PLSCR2: variants seen among roughly 807,000 people sequenced by gnomAD.
The protein encoded by PLSCR2 is phospholipid scramblase 2, also known as PL scramblase 2.
Under a neutral mutation model 25.3 loss-of-function variants are expected in PLSCR2, and 18 were observed. The ratio of observed to expected loss-of-function variants is 0.71; its 90% confidence interval spans 0.49 to 1.06. PLSCR2 has a LOEUF of 1.06. Among genes scored for constraint, PLSCR2 ranks in the 50% least tolerant of loss-of-function variants. The pLI is 0.00. For missense variants in PLSCR2, 243 were observed against 269.5 expected, an observed-to-expected ratio of 0.90 and a Z score of 0.69; for synonymous variants, 88 against 87.3, an observed-to-expected ratio of 1.01 and a Z score of -0.04.
intron 2 of PLSCR2, among the ~76,000 whole-genome samples, chr3:146,411,437 G>A (rs545714471): frequency 6.7e-4 from 102 of 152,316 alleles, no homozygotes; most frequent in African/African-American, 2.4e-3. Flanking sequence ...TTGAATTTTA[G>A]GGCACCCACA....
intron 2 of PLSCR2, among the ~76,000 whole-genome samples, chr3:146,406,539 G>A (rs1277145713): frequency 6.6e-6 from 1 of 152,120 alleles, no homozygotes; most frequent in African/African-American, 2.4e-5. Context: ...GGTGAGGAGA[G>A]GAGTAGGAAG....
intron 2 of PLSCR2, among the ~76,000 whole-genome samples, chr3:146,419,671 T>G (rs1037060720): frequency 1.3e-5 from 2 of 152,080 alleles, no homozygotes; most frequent in African/African-American, 4.8e-5. Context: ...AGGTTTTGTT[T>G]TGTTTTGTTT....
intron 2 of PLSCR2, among the ~76,000 whole-genome samples, chr3:146,417,579 G>T (rs2039035338): frequency 6.6e-6 from 1 of 151,972 alleles, no homozygotes; most frequent in South Asian, 2.1e-4. Flanking sequence ...ATTTTAGATG[G>T]GTCAGTTAAC....
At chr3:146,495,446 A>C (rs1430239530) in intron 1 of PLSCR2, among the ~76,000 whole-genome samples, 3 of 152,322 alleles carry the variant, frequency 2.0e-5, no homozygotes, top group South Asian at 4.1e-4. Context: ...TCTGAAATTA[A>C]TATGTTAAAG....
At chr3:146,462,590 C>A (rs368388011), upstream of PLSCR2, among the ~76,000 whole-genome samples, 1 of 151,434 alleles carries the variant, frequency 6.6e-6, no homozygotes, top group Admixed American at 6.6e-5. Flanking sequence ...CTCAGCCTCC[C>A]GAGTAGCTGG....
chr3:146,479,451 G>A (rs1273401129), intron 1 of PLSCR2, among the ~76,000 whole-genome samples: 1 of 152,068 alleles, frequency 6.6e-6, no homozygotes, highest in Non-Finnish European at 1.5e-5. Flanking sequence ...CCTACTCTCT[G>A]GTAAAACAGA....
At position 146,454,094 on chromosome 3, in the gene PLSCR2, T is replaced by TTGTTAGAC; in HGVS notation, c.383_390dup (p.Lys131ValfsTer2). The TTGTTAGAC allele has an allele frequency of 6.2e-7, 1 of 1,610,816 alleles. No homozygotes were observed. Among genetic ancestry groups the TTGTTAGAC allele is most frequent in the South Asian group, 1.1e-5 (1 of 90,246 alleles). The stretch of plus-strand genomic sequence containing the variant: ...CTTTTCTGATTTTTAATTGTAAACT[T>TTGTTAGAC]TGTTAGACATGGGTGCCAGGTCTGA... On this transcript the variant is annotated stop_gained and frameshift_variant, in exon 5 of 7. Coordinates refer to ENST00000610787, the Ensembl canonical transcript of PLSCR2. LOFTEE classifies it high-confidence loss of function.
intron 2 of PLSCR2, chr3:146,415,210 ATTAAAT>A (rs2038970936): frequency 6.6e-6 from 1 of 152,598 alleles, no homozygotes; most frequent in African/African-American, 2.4e-5. Context: ...AAGTACTCAA[ATTAAAT>A]TTAAAGAACA....
intron 2 of PLSCR2, among the ~76,000 whole-genome samples, chr3:146,412,562 G>A (rs141846331): frequency 1.3e-5 from 2 of 152,292 alleles, no homozygotes; most frequent in East Asian, 3.9e-4. Flanking sequence ...ATGGGGACTA[G>A]AGAATTGTTA....
At chr3:146,435,971 A>T (rs944769779) in intron 8 of PLSCR2, among the ~76,000 whole-genome samples, 1 of 152,220 alleles carries the variant, frequency 6.6e-6, no homozygotes, top group Non-Finnish European at 1.5e-5. Context: ...GAAGGGATGC[A>T]GTTTCAGCTT....
At chr3:146,421,527 T>C (rs1292955053) in intron 2 of PLSCR2, among the ~76,000 whole-genome samples, 1 of 151,990 alleles carries the variant, frequency 6.6e-6, no homozygotes, top group African/African-American at 2.4e-5. Context: ...AACAGAATAG[T>C]TTCTGGAAAC....
intron 1 of PLSCR2, among the ~76,000 whole-genome samples, chr3:146,467,781 A>C (rs2041935899): frequency 6.6e-6 from 1 of 152,176 alleles, no homozygotes; most frequent in African/African-American, 2.4e-5. Context: ...AGTTGAAAAA[A>C]GTCTAGAATC....
downstream of PLSCR2, among the ~76,000 whole-genome samples, chr3:146,441,343 T>G (rs1230711119): frequency 6.6e-6 from 1 of 152,062 alleles, no homozygotes; most frequent in African/African-American, 2.4e-5. Context: ...TACACAGTAT[T>G]TGCATATTAA....
chr3:146,460,195 C>A (rs2041484704), exon 1 of PLSCR2: 1 of 1,396,274 alleles, frequency 7.2e-7, no homozygotes, highest in Non-Finnish European at 9.3e-7. Flanking sequence ...AGTCCTATAT[C>A]TGTGAAGCTT....
chr3:146,392,033 C>T (rs935669690), intron 3 of PLSCR2, among the ~76,000 whole-genome samples: 2 of 152,040 alleles, frequency 1.3e-5, no homozygotes, highest in Non-Finnish European at 2.9e-5. Flanking sequence ...GTATTTGTGT[C>T]ATTAAAGGTC....
intron 1 of PLSCR2, among the ~76,000 whole-genome samples, chr3:146,466,100 C>G (rs1405418449): frequency 1.3e-5 from 2 of 152,188 alleles, no homozygotes; most frequent in African/African-American, 4.8e-5. Flanking sequence ...ACTTCAGCAT[C>G]TAGGCTCAAG....
chr3:146,473,639 G>A (rs1054844368), intron 1 of PLSCR2, among the ~76,000 whole-genome samples: 1 of 152,174 alleles, frequency 6.6e-6, no homozygotes, highest in Admixed American at 6.5e-5. Flanking sequence ...AAACATCTAG[G>A]TATAACATAA....
At chr3:146,446,091 C>T (rs942980519) in intron 6 of PLSCR2, among the ~76,000 whole-genome samples, 4 of 152,132 alleles carry the variant, frequency 2.6e-5, no homozygotes, top group African/African-American at 4.8e-5. Flanking sequence ...CTCAAAACAA[C>T]TATTTTGAAT....
intron 6 of PLSCR2, among the ~76,000 whole-genome samples, chr3:146,444,290 T>A (rs1005138478): frequency 4.6e-5 from 7 of 152,080 alleles, no homozygotes; most frequent in Non-Finnish European, 8.8e-5. Context: ...TGGTTTATAG[T>A]GCAGATTCAA....
Sources: allele counts gnomAD v4.1 joint callset (sites outside exome capture counted in the v4.1 genomes callset), GRCh38; gene constraint gnomAD v4.1.1; transcripts MANE v1.5; gene names NCBI Gene and HGNC (gene_info 2026-07-23, HGNC 2026-07-21).